The following REDIC1 variants were observed in gnomAD, a reference collection of about 807,000 sequenced individuals.
REDIC1 encodes the protein HEI10 Interacting Protein 1.
At chr12:39,854,041 G>A in the REDIC1 span, among the ~76,000 whole-genome samples, 1 of 151,676 alleles carries the variant, frequency 6.6e-6, no homozygotes, top group African/African-American at 2.4e-5. Flanking sequence ...TTGCTTCTTG[G>A]GTAACTGATA....
At chr12:39,760,250 C>T in the REDIC1 span, 3 of 1,610,112 alleles carry the variant, frequency 1.9e-6, no homozygotes, top group East Asian at 2.2e-5. Context: ...AGGAAGAAAG[C>T]TCCTGCAACG....
the REDIC1 span, among the ~76,000 whole-genome samples, chr12:39,873,568 T>A: frequency 6.6e-6 from 1 of 152,202 alleles, no homozygotes; most frequent in South Asian, 2.1e-4. Context: ...GCTACTAAGT[T>A]TCAGAATCTT....
the REDIC1 span, among the ~76,000 whole-genome samples, chr12:39,836,161 T>G: frequency 6.6e-6 from 1 of 152,066 alleles, no homozygotes; most frequent in Non-Finnish European, 1.5e-5. Flanking sequence ...TTGTAGTAAA[T>G]AAGTGTGCCT....
At chr12:39,746,484 G>A in the REDIC1 span, among the ~76,000 whole-genome samples, 1 of 152,176 alleles carries the variant, frequency 6.6e-6, no homozygotes, top group Non-Finnish European at 1.5e-5. Context: ...TGCCTCTGTA[G>A]ACTCCACCTC....
chr12:39,886,291 T>G, the REDIC1 span, among the ~76,000 whole-genome samples: 1 of 152,172 alleles, frequency 6.6e-6, no homozygotes, highest in African/African-American at 2.4e-5. Context: ...TTGACAGCGC[T>G]GTGCCCTTTG....
chr12:39,666,798 A>G, the REDIC1 span, among the ~76,000 whole-genome samples: 1 of 151,792 alleles, frequency 6.6e-6, no homozygotes, highest in Admixed American at 6.6e-5. Context: ...GTCTTGGGAG[A>G]GTGTATGTGT....
At chr12:39,784,151 A>C in the REDIC1 span, among the ~76,000 whole-genome samples, 2 of 152,194 alleles carry the variant, frequency 1.3e-5, no homozygotes, top group African/African-American at 2.4e-5. Context: ...TATACTGCCC[A>C]AGGTAATTTA....
the REDIC1 span, chr12:39,764,810 G>C: frequency 6.2e-7 from 1 of 1,612,500 alleles, no homozygotes. Context: ...GGCAGAAATT[G>C]TAAGCCCAAA....
the REDIC1 span, among the ~76,000 whole-genome samples, chr12:39,690,550 T>C: frequency 6.6e-6 from 1 of 152,108 alleles, no homozygotes; most frequent in Non-Finnish European, 1.5e-5. Context: ...ATGATAGCAA[T>C]TAACATATTG....
the REDIC1 span, chr12:39,646,758 A>G: frequency 2.2e-6 from 2 of 910,988 alleles, no homozygotes; most frequent in Non-Finnish European, 3.3e-6. Flanking sequence ...TTTGTGTAGA[A>G]CAGTATGAAT....
the REDIC1 span, among the ~76,000 whole-genome samples, chr12:39,782,398 G>A: frequency 6.6e-6 from 1 of 152,134 alleles, no homozygotes; most frequent in Non-Finnish European, 1.5e-5. Flanking sequence ...CACGAAATCT[G>A]ATGGGTTTGT....
At chr12:39,846,407 G>C in the REDIC1 span, among the ~76,000 whole-genome samples, 1 of 152,094 alleles carries the variant, frequency 6.6e-6, no homozygotes, top group Non-Finnish European at 1.5e-5. Flanking sequence ...GTTAAAGCAT[G>C]GTTCTGCTGT....
the REDIC1 span, among the ~76,000 whole-genome samples, chr12:39,674,095 C>A: frequency 2.0e-5 from 3 of 152,106 alleles, no homozygotes; most frequent in African/African-American, 7.2e-5. Flanking sequence ...TGCTCTCTGT[C>A]ATCTCTAGAA....
the REDIC1 span, among the ~76,000 whole-genome samples, chr12:39,670,347 C>T: frequency 3.0e-4 from 46 of 152,164 alleles, 1 homozygote; most frequent in Admixed American, 2.9e-3. Context: ...CATGCCACCA[C>T]ACCCAGCTAA....
the REDIC1 span, among the ~76,000 whole-genome samples, chr12:39,632,357 C>G: frequency 6.6e-6 from 1 of 152,092 alleles, no homozygotes; most frequent in East Asian, 1.9e-4. Context: ...CTCGGCCTCC[C>G]AAAGTGCTGG....
At chr12:39,791,071 GTTT>G in the REDIC1 span, among the ~76,000 whole-genome samples, 2 of 142,726 alleles carry the variant, frequency 1.4e-5, no homozygotes, top group African/African-American at 5.2e-5. Flanking sequence ...GGGGTTGTTT[GTTT>G]TTTTCTTGTA....
chr12:39,789,660 C>G, the REDIC1 span, among the ~76,000 whole-genome samples: 1 of 152,116 alleles, frequency 6.6e-6, no homozygotes, highest in Middle Eastern at 3.2e-3. Context: ...CATTAAGATT[C>G]TCACTAGCAG....
the REDIC1 span, among the ~76,000 whole-genome samples, chr12:39,696,742 G>T: frequency 1.3e-5 from 2 of 151,760 alleles, no homozygotes; most frequent in Non-Finnish European, 2.9e-5. Context: ...TAATTAAAAA[G>T]AATCAAGCAC....
the REDIC1 span, among the ~76,000 whole-genome samples, chr12:39,661,307 T>C: frequency 6.6e-6 from 1 of 151,996 alleles, no homozygotes; most frequent in Non-Finnish European, 1.5e-5. Context: ...TCCATGTCCT[T>C]GCTGTTTGTT....
Sources: gnomAD v4.1 joint callset for allele counts (sites outside exome capture counted in the v4.1 genomes callset) on GRCh38, gnomAD v4.1.1 for gene constraint, MANE v1.5 for transcripts, NCBI Gene and HGNC (gene_info 2026-07-23, HGNC 2026-07-21) for gene names.